The following SPAG16 variants were observed in gnomAD, a reference collection of about 807,000 sequenced individuals.
SPAG16 encodes the protein sperm-associated antigen 16 protein.
Under a neutral mutation model 80.4 loss-of-function variants are expected in SPAG16, and 86 were observed. The ratio of observed to expected loss-of-function variants is 1.07; its 90% CI spans 0.90 to 1.28. The LOEUF is 1.28. Ranked by LOEUF, SPAG16 falls within the 50% of genes most tolerant of loss-of-function variation. The pLI is 0.00. For missense variants in SPAG16, 870 were observed against 765.3 expected (o/e 1.14, Z -1.61); for synonymous variants, 294 against 265.9 (o/e 1.11, Z -1.03).
intron 1 of SPAG16, among the ~76,000 whole-genome samples, chr2:213,289,063 C>T (rs2062167071): frequency 6.6e-6 from 1 of 152,186 alleles, no homozygotes; most frequent in Admixed American, 6.5e-5. Context: ...CGTTAATGTG[C>T]ATATGACTCA....
At chr2:214,112,956 G>A (rs940226255) in intron 14 of SPAG16, among the ~76,000 whole-genome samples, 1 of 152,124 alleles carries the variant, frequency 6.6e-6, no homozygotes, top group Non-Finnish European at 1.5e-5. Context: ...ACAGTGGCTG[G>A]TACTGGTTGT....
intron 15 of SPAG16, chr2:214,240,820 G>A (rs186081680): frequency 1.3e-5 from 2 of 152,184 alleles, no homozygotes; most frequent in African/African-American, 4.8e-5. Context: ...TACATCCACA[G>A]TACATACATA....
chr2:214,166,502 C>T (rs1200772409), intron 15 of SPAG16, among the ~76,000 whole-genome samples: 5 of 152,206 alleles, frequency 3.3e-5, no homozygotes, highest in African/African-American at 1.2e-4. Context: ...GACTGGTTCT[C>T]AGCCAGGCTC....
intron 10 of SPAG16, among the ~76,000 whole-genome samples, chr2:213,861,886 A>ATAT (rs577883148): frequency 7.6e-4 from 115 of 152,294 alleles, no homozygotes; most frequent in African/African-American, 2.6e-3. Context: ...TGAATTCATT[A>ATAT]CTGTAATTTG....
intron 10 of SPAG16, among the ~76,000 whole-genome samples, chr2:213,661,079 G>A (rs113542735): frequency 8.9e-4 from 136 of 152,262 alleles, no homozygotes; most frequent in Middle Eastern, 3.4e-3. Flanking sequence ...CAACATATAG[G>A]TAGCCTTGGT....
intron 7 of SPAG16, among the ~76,000 whole-genome samples, chr2:213,360,462 C>T (rs1467071458): frequency 6.6e-6 from 1 of 152,200 alleles, no homozygotes; most frequent in East Asian, 1.9e-4. Flanking sequence ...TAAACCAAGG[C>T]TCAATTAACC....
chr2:214,366,391 G>C (rs901702073), intron 15 of SPAG16, among the ~76,000 whole-genome samples: 4 of 152,192 alleles, frequency 2.6e-5, no homozygotes, highest in South Asian at 2.1e-4. Flanking sequence ...CTATGGAGGA[G>C]AGTTTTGGTA....
intron 15 of SPAG16, among the ~76,000 whole-genome samples, chr2:214,230,054 A>G (rs182131801): frequency 1.1e-4 from 16 of 152,028 alleles, no homozygotes; most frequent in Admixed American, 1.1e-3. Flanking sequence ...AAAAATAGCT[A>G]AATCGGAATG....
In SPAG16 at chr2:214,012,279, TA is replaced by T. The variant is rs1559689735; in HGVS notation, c.1401-1671del. On this transcript the variant is annotated intron_variant, in intron 12 of 15. Coordinates refer to ENST00000331683, the MANE Select transcript of SPAG16 (RefSeq NM_024532.5). ...ACTTACATATATATATATATATATA[TA>T]TATATATATTTTTTTTTTTTTTTTT... 5.3e-3 allele frequency among the ~76,000 whole-genome samples: 313 copies of T among 59,444 alleles called. 4 individuals carry two copies. Among genetic ancestry groups the T allele is most frequent in the African/African-American group, 0.018 (267 of 15,048 alleles). The allele number at this position is 59,444 out of a possible 152,430, so 39.0% of individuals were successfully genotyped here. A position where few individuals can be genotyped will look rare whatever the true frequency, so the allele number is the denominator to read the frequency against.
chr2:214,147,865 G>A (rs2055739408), intron 14 of SPAG16, among the ~76,000 whole-genome samples: 1 of 152,112 alleles, frequency 6.6e-6, no homozygotes, highest in African/African-American at 2.4e-5. Context: ...GAGTCCACTT[G>A]AACTGTAATA....
chr2:213,813,616 G>A (rs6705746), intron 10 of SPAG16, among the ~76,000 whole-genome samples: 53,056 of 151,918 alleles, frequency 0.35, 9,862 homozygotes, highest in East Asian at 0.52. Flanking sequence ...AGCAAAAATT[G>A]TCTGCCAATG....
intron 15 of SPAG16, among the ~76,000 whole-genome samples, chr2:214,211,807 A>G (rs2058301678): frequency 6.6e-6 from 1 of 152,162 alleles, no homozygotes; most frequent in African/African-American, 2.4e-5. Flanking sequence ...CTGACCAGAA[A>G]ATGGCACTAT....
At chr2:213,875,164 C>A (rs912351058) in intron 11 of SPAG16, among the ~76,000 whole-genome samples, 2 of 151,626 alleles carry the variant, frequency 1.3e-5, no homozygotes, top group Non-Finnish European at 2.9e-5. Flanking sequence ...GTCTCAAACT[C>A]CTGGCCTCAT....
At chr2:213,641,503 C>G (rs1000958638) in intron 10 of SPAG16, among the ~76,000 whole-genome samples, 1 of 152,326 alleles carries the variant, frequency 6.6e-6, no homozygotes, top group African/African-American at 2.4e-5. Flanking sequence ...TTAGTGGAAG[C>G]CTTCTTCTCC....
chr2:213,926,523 C>A (rs1237688824), intron 11 of SPAG16, among the ~76,000 whole-genome samples: 1 of 152,032 alleles, frequency 6.6e-6, no homozygotes, highest in Non-Finnish European at 1.5e-5. Flanking sequence ...ATTTATTTCC[C>A]AATTCATTTA....
intron 6 of SPAG16, 115 bp from the exon 7 acceptor site, chr2:213,350,413 A>G (rs2065262704): frequency 1.8e-6 from 1 of 550,320 alleles, no homozygotes; most frequent in African/African-American, 1.9e-5. Context: ...TTATATGATT[A>G]TTCATTTTTA....
intron 5 of SPAG16, among the ~76,000 whole-genome samples, chr2:213,321,066 AAGGCAAAATAAAAC>A (rs1387028049): frequency 1.3e-5 from 2 of 152,042 alleles, no homozygotes; most frequent in East Asian, 1.9e-4. Flanking sequence ...GATATTTCTT[AAGGCAAAATAAAAC>A]AGGCAAAATA....
chr2:214,037,197 G>A (rs1284856581), intron 13 of SPAG16, among the ~76,000 whole-genome samples: 2 of 150,864 alleles, frequency 1.3e-5, no homozygotes, highest in African/African-American at 4.9e-5. Context: ...TATAAATAGA[G>A]ATAGATAGTA....
intron 10 of SPAG16, among the ~76,000 whole-genome samples, chr2:213,501,890 A>T (rs954097259): frequency 6.6e-6 from 1 of 152,180 alleles, no homozygotes; most frequent in Non-Finnish European, 1.5e-5. Context: ...TTTTCTTTTT[A>T]AAAAACAAGC....
Sources: gnomAD v4.1 joint callset for allele counts (sites outside exome capture counted in the v4.1 genomes callset) on GRCh38, gnomAD v4.1.1 for gene constraint, MANE v1.5 for transcripts, NCBI Gene and HGNC (gene_info 2026-07-23, HGNC 2026-07-21) for gene names.